The following SLC25A18 variants were observed in gnomAD, a reference collection of about 807,000 sequenced individuals.
The protein encoded by SLC25A18 is mitochondrial glutamate carrier 2.
Under a neutral mutation model 31.1 loss-of-function variants are expected in SLC25A18, and 24 were observed. That is an observed-to-expected ratio of 0.77 (90% CI 0.56 to 1.08). The LOEUF (loss-of-function observed/expected upper bound fraction) is 1.08, where lower values mean the gene tolerates loss of function less well. Among genes scored for constraint, SLC25A18 ranks in the 50% least tolerant of loss-of-function variants. SLC25A18 has a pLI of 0.00. For missense variants in SLC25A18, 371 were observed against 418.5 expected (o/e 0.89, Z 0.99); for synonymous variants, 173 against 161.9 (o/e 1.07, Z -0.52).
At position 17,589,511 on chromosome 22, in the gene SLC25A18, G is replaced by A. The variant is rs1170758127; in HGVS notation, c.731-79G>A. On this transcript the variant is annotated intron_variant, in intron 9 of 10. Transcript: ENST00000327451. ...TTTTATATGTGGTGGCTCTACAGGA[G>A]GGCCCAGCCCCTTAGTGTTGAGGGG... 1.4e-5 allele frequency: 18 copies of A among 1,325,754 alleles called. No individual in the cohort carries two copies. In the African/African-American group the frequency reaches 2.6e-4, roughly 19 times the overall value. 82.1% of individuals were successfully genotyped at this position (1,325,754 alleles called of 1,614,324 possible). A position where few individuals can be genotyped will look rare whatever the true frequency, so the allele number is the denominator to read the frequency against.
chr22:17,571,892 C>T (rs974916309), intron 2 of SLC25A18, among the ~76,000 whole-genome samples: 2 of 152,054 alleles, frequency 1.3e-5, no homozygotes, highest in Admixed American at 1.3e-4. Context: ...GTGGCTCGTG[C>T]CTGTAATCGC....
rs753634123 is a variant in SLC25A18, at chr22:17,579,969, G to A, written c.20+5G>A. On this transcript the variant is annotated splice_donor_5th_base_variant and intron_variant, in intron 3 of 10. Transcript: ENST00000327451. ...AATGACCCACCAGGATCTGAGGTGA[G>A]CTCGGCTGGGGCAGCCTGAGGCCCT... The A allele has an allele frequency of 8.7e-6, 14 of 1,609,972 alleles. No individual in the cohort carries two copies. In the East Asian group the frequency reaches 3.1e-4, roughly 36 times the overall value.
At chr22:17,588,128 G>C (rs753084206) in intron 9 of SLC25A18, 49 bp downstream of exon 9, 2 of 1,607,886 alleles carry the variant, frequency 1.2e-6, no homozygotes, top group East Asian at 4.5e-5. Flanking sequence ...CAGTAATTTT[G>C]CACTTATAGA....
intron 2 of SLC25A18, among the ~76,000 whole-genome samples, chr22:17,579,212 C>A (rs1437002028): frequency 6.6e-6 from 1 of 152,020 alleles, no homozygotes; most frequent in African/African-American, 2.4e-5. Flanking sequence ...CCTCAGCCCC[C>A]CAGGTAGCTG....
In SLC25A18 at chr22:17,576,266, A is replaced by C. The variant is rs2057226788; in HGVS notation, c.-200-3479A>C. Among the ~76,000 whole-genome samples, 4 of 151,918 alleles carry C rather than the reference A, an allele frequency of 2.6e-5. No homozygotes were observed. The South Asian group carries it at 8.3e-4, about 32-fold the overall frequency. ...ACTCAGGAGGCTGAGGCAGGAGAAT[A>C]GCTTGAACCCAGGAGGCGGAGGTTA... is the stretch of plus-strand genomic sequence containing the variant. On this transcript the variant is annotated intron_variant, in intron 2 of 10. Transcript: ENST00000327451.
rs1400982890 is a variant in SLC25A18 at position 17,568,102 on chromosome 22, C to T, written c.-263-1822C>T. ...AGAATAGGCCAGGTGCGATGGCTCA[C>T]ACCTATAATCCCAGCACTTTGGGAG... On this transcript the variant is annotated intron_variant, in intron 1 of 10. Transcript: ENST00000327451. Among the ~76,000 whole-genome samples the T allele has an allele frequency of 3.3e-5, 5 of 152,164 alleles. 1 individual carries two copies. The Middle Eastern group carries it at 0.014, about 414-fold the overall frequency.
rs548545733 is a variant in SLC25A18, at chr22:17,588,253, T to C, written c.730+174T>C. The C allele has an allele frequency of 1.8e-4, 119 of 646,320 alleles. No individual in the cohort carries two copies. The South Asian group carries it at 2.4e-3, about 13-fold the overall frequency. 40.0% of individuals were successfully genotyped at this position (646,320 alleles called of 1,614,324 possible). ...CAAGAGACCTTCCTTCTGTTTCTCA[T>C]CCCTGACACATCCCTCGCCTTCAAG... is the stretch of plus-strand genomic sequence containing the variant. On this transcript the variant is annotated intron_variant, in intron 9 of 10. Transcript: ENST00000327451.
chr22:17,574,966 C>G (rs1215857975), intron 2 of SLC25A18, among the ~76,000 whole-genome samples: 1 of 152,042 alleles, frequency 6.6e-6, no homozygotes, highest in African/African-American at 2.4e-5. Flanking sequence ...ATTCTCCTGC[C>G]TCAGCCTTCT....
chr22:17,579,063 TTTTGTTTGTTTGTTTGTTTGTTTG>T (rs695243), intron 2 of SLC25A18, among the ~76,000 whole-genome samples: 6 of 150,142 alleles, frequency 4.0e-5, no homozygotes, highest in East Asian at 2.0e-4. Context: ...TAAGTGGGTT[TTTTGTTTGTTTGTTTGTTTGTTTG>T]TTTGTTTGTT....
intron 7 of SLC25A18, among the ~76,000 whole-genome samples, chr22:17,585,644 ATTATTATTTTT>A (rs1478122285): frequency 1.0e-4 from 14 of 133,364 alleles, no homozygotes; most frequent in Non-Finnish European, 2.2e-4. Flanking sequence ...TATTATTATT[ATTATTATTTTT>A]TTTTTTTTTT....
intron 1 of SLC25A18, among the ~76,000 whole-genome samples, chr22:17,569,168 C>T (rs1405196956): frequency 6.6e-6 from 1 of 151,844 alleles, no homozygotes. Context: ...GCCACCACGC[C>T]CAGCTAATTT....
chr22:17,586,860 A>C lies in SLC25A18; in HGVS notation c.410-276A>C, dbSNP rs1017883479. Among the ~76,000 whole-genome samples the C allele has an allele frequency of 2.0e-5, 3 of 152,366 alleles. No homozygotes were observed. In the East Asian group the frequency reaches 5.8e-4, roughly 29 times the overall value. Reference sequence around the variant, plus strand: ...TGGGAGGGTAAGGAATGGAGCCCTAAGGAACGTGGCGGAGAAGCAAGCGGG... The same window carrying C: ...TGGGAGGGTAAGGAATGGAGCCCTACGGAACGTGGCGGAGAAGCAAGCGGG... On this transcript the variant is annotated intron_variant, in intron 7 of 10. Transcript: ENST00000327451.
At chr22:17,580,781 A>G in intron 3 of SLC25A18, 5 of 1,252,968 alleles carry the variant, frequency 4.0e-6, no homozygotes, top group Non-Finnish European at 5.0e-6. Flanking sequence ...ATGGGGGCAG[A>G]GCTGGGCTCC....
At chr22:17,563,758 A>C (rs1180938554) in intron 1 of SLC25A18, 45 bp downstream of exon 1, 11 of 981,500 alleles carry the variant, frequency 1.1e-5, no homozygotes, top group Non-Finnish European at 1.3e-5. Flanking sequence ...TACTTTGCCT[A>C]GTTACTAAGA....
At chr22:17,581,279 A>G (rs1404801845) in intron 4 of SLC25A18, 79 bp from the exon 5 acceptor site, 1 of 1,599,760 alleles carries the variant, frequency 6.3e-7, no homozygotes, top group African/African-American at 1.3e-5. Context: ...ATCAGCTGGG[A>G]TGTGCCCGCG....
At chr22:17,589,796 C>T (rs2057666675) in intron 10 of SLC25A18, 131 bp downstream of exon 10, 1 of 866,250 alleles carries the variant, frequency 1.2e-6, no homozygotes, top group Non-Finnish European at 1.8e-6. Flanking sequence ...TTTCCCTCAC[C>T]TCTCAAAGAA....
intron 3 of SLC25A18, 150 bp downstream of exon 3, chr22:17,580,114 A>G (rs1405783658): frequency 1.6e-6 from 1 of 640,766 alleles, no homozygotes; most frequent in Non-Finnish European, 2.7e-6. Context: ...CACTACATCT[A>G]CTGTGGCAAA....
intron 1 of SLC25A18, 173 bp from the exon 2 acceptor site, chr22:17,569,751 G>T: frequency 1.0e-6 from 1 of 985,450 alleles, no homozygotes; most frequent in South Asian, 4.7e-5. Flanking sequence ...GGCTTGACTG[G>T]ATAGTAGCCT....
chr22:17,565,029 G>T (rs1210404380), intron 1 of SLC25A18, among the ~76,000 whole-genome samples: 1 of 151,960 alleles, frequency 6.6e-6, no homozygotes, highest in Non-Finnish European at 1.5e-5. Context: ...TCTTATTTCT[G>T]CCTGCAGCCT....
Sources: allele counts gnomAD v4.1 joint callset (sites outside exome capture counted in the v4.1 genomes callset), GRCh38; gene constraint gnomAD v4.1.1; transcripts MANE v1.5; gene names NCBI Gene and HGNC (gene_info 2026-07-23, HGNC 2026-07-21).